MMP16: variants seen among roughly 807,000 people sequenced by gnomAD.
MMP16 encodes matrix metalloproteinase-16.
In MMP16, 12 loss-of-function variants were observed where a neutral mutation model predicts 67.8. That is an observed-to-expected ratio of 0.18 (90% confidence interval 0.11 to 0.29). MMP16 has a LOEUF of 0.29. Ranked by LOEUF, MMP16 falls within the 10% of genes least tolerant of loss-of-function variation. The pLI is 1.00. For synonymous variants in MMP16, 249 were observed against 255.9 expected (o/e 0.97, Z 0.26); for missense variants, 475 against 765.7 (o/e 0.62, Z 4.48).
chr8:88,156,149 A>G (rs1586179535), intron 4 of MMP16, among the ~76,000 whole-genome samples: 1 of 152,270 alleles, frequency 6.6e-6, no homozygotes, highest in East Asian at 1.9e-4. Flanking sequence ...GGCTGATGAT[A>G]ACCCATAGAG....
chr8:88,319,276 T>C (rs1177338655), intron 1 of MMP16, among the ~76,000 whole-genome samples: 1 of 152,154 alleles, frequency 6.6e-6, no homozygotes, highest in Non-Finnish European at 1.5e-5. Context: ...CTCAATTTTA[T>C]ATAAACCATC....
intron 8 of MMP16, among the ~76,000 whole-genome samples, chr8:88,050,459 G>T (rs2118210708): frequency 6.6e-6 from 1 of 152,300 alleles, no homozygotes; most frequent in Admixed American, 6.5e-5. Context: ...TGCTTTTCAT[G>T]TAGAAATAAC....
rs185260250 is a variant in MMP16, at chr8:88,287,231, C to T, written c.132+39844G>A. 3.1e-3 allele frequency among the ~76,000 whole-genome samples: 478 copies of T among 152,318 alleles called. 13 individuals are homozygous for T. In the East Asian group the frequency reaches 0.045, roughly 14 times the overall value. On this transcript the variant is annotated intron_variant, in intron 1 of 9. Coordinates refer to ENST00000286614, the MANE Select transcript of MMP16 (RefSeq NM_005941.5). ...CTTACAACCAGTTAAGAGTCTCTCT[C>T]TGAGCGCCAGCCACCCTGACCTTTT...
intron 1 of MMP16, among the ~76,000 whole-genome samples, chr8:88,200,866 C>T (rs1037686997): frequency 6.6e-6 from 1 of 151,848 alleles, no homozygotes; most frequent in African/African-American, 2.4e-5. Context: ...GAATTTCTCA[C>T]CACTAAGAGC....
intron 3 of MMP16, among the ~76,000 whole-genome samples, chr8:88,168,505 A>G (rs1040936687): frequency 2.0e-5 from 3 of 152,160 alleles, no homozygotes; most frequent in Non-Finnish European, 4.4e-5. Flanking sequence ...TTTCTTATTA[A>G]TTCATTCTAG....
In MMP16 at chr8:88,231,733, A is replaced by G. The variant is rs1809861478; in HGVS notation, c.133-34427T>C. Among the ~76,000 whole-genome samples, 3 of 152,222 alleles carry G rather than the reference A, an allele frequency of 2.0e-5. No individual in the cohort carries two copies. In the East Asian group the frequency reaches 5.8e-4, roughly 29 times the overall value. On this transcript the variant is annotated intron_variant, in intron 1 of 9. Coordinates refer to ENST00000286614, the MANE Select transcript of MMP16 (RefSeq NM_005941.5). ...GGTTCCCACTCCCCTATACCTAAAGATATCAACTTCACCCAAATGATTGTA... is the reference window on the plus strand; with the variant it reads ...GGTTCCCACTCCCCTATACCTAAAGGTATCAACTTCACCCAAATGATTGTA...
intron 2 of MMP16, among the ~76,000 whole-genome samples, chr8:88,189,935 T>A (rs1326684658): frequency 6.6e-6 from 1 of 152,170 alleles, no homozygotes; most frequent in Non-Finnish European, 1.5e-5. Flanking sequence ...AAGTCGCCAA[T>A]AAGGAACATG....
chr8:88,264,604 C>T (rs953063210), intron 1 of MMP16, among the ~76,000 whole-genome samples: 5 of 152,140 alleles, frequency 3.3e-5, no homozygotes, highest in Non-Finnish European at 5.9e-5. Context: ...AAGCAAGTAC[C>T]TCCTAAGTGT....
chr8:88,081,405 C>A (rs960147445), intron 6 of MMP16, among the ~76,000 whole-genome samples: 2 of 152,068 alleles, frequency 1.3e-5, no homozygotes, highest in African/African-American at 4.8e-5. Context: ...TTTAATAACA[C>A]CCTATGTTAG....
At chr8:88,092,250 T>C (rs1237289504) in intron 6 of MMP16, among the ~76,000 whole-genome samples, 1 of 151,906 alleles carries the variant, frequency 6.6e-6, no homozygotes, top group African/African-American at 2.4e-5. Flanking sequence ...AATTTTGTTT[T>C]TTCTTTTTAG....
chr8:88,229,196 T>C (rs992245995), intron 1 of MMP16, among the ~76,000 whole-genome samples: 1 of 152,068 alleles, frequency 6.6e-6, no homozygotes, highest in African/African-American at 2.4e-5. Flanking sequence ...GATAAAACTG[T>C]TGTTACTTTA....
chr8:88,157,566 C>T (rs771501445), intron 4 of MMP16, among the ~76,000 whole-genome samples: 1 of 151,838 alleles, frequency 6.6e-6, no homozygotes, highest in African/African-American at 2.4e-5. Flanking sequence ...TTCTTGGTGT[C>T]TCTGATAGAG....
chr8:88,085,914 C>A (rs1343000442), intron 6 of MMP16, among the ~76,000 whole-genome samples: 2 of 151,772 alleles, frequency 1.3e-5, no homozygotes, highest in African/African-American at 4.8e-5. Context: ...ATATGGACCC[C>A]CTTTTTATTA....
chr8:88,034,771 A>T lies in MMP16; in HGVS notation c.*6690T>A, dbSNP rs1808032991. 1 of 152,020 alleles carries T rather than the reference A, an allele frequency of 6.6e-6. No homozygotes were observed. Among genetic ancestry groups the T allele is most frequent in the Non-Finnish European group, 1.5e-5 (1 of 67,968 alleles). The allele number at this position is 152,020 out of a possible 1,614,324, so 9.4% of individuals were successfully genotyped here. On this transcript the variant is annotated 3_prime_UTR_variant, in exon 10 of 10. Coordinates refer to ENST00000286614, the MANE Select transcript of MMP16 (RefSeq NM_005941.5). ...GGCAAATGAAACATGCATCCTAGTG[A>T]CTTTTCAAATAGACAGCTCACACCA...
At chr8:88,212,730 A>G (rs536175168) in intron 1 of MMP16, among the ~76,000 whole-genome samples, 3 of 152,210 alleles carry the variant, frequency 2.0e-5, no homozygotes, top group East Asian at 3.9e-4. Context: ...CTCTCTGATT[A>G]TTGTAGTAGA....
chr8:88,149,299 T>C lies in MMP16; in HGVS notation c.709+18370A>G, dbSNP rs1176484362. Among the ~76,000 whole-genome samples the C allele has an allele frequency of 3.3e-5, 5 of 152,286 alleles. No individual in the cohort carries two copies. In the East Asian group the frequency reaches 7.7e-4, roughly 24 times the overall value. On this transcript the variant is annotated intron_variant, in intron 4 of 9. Transcript: ENST00000286614. ...AGGCTGGGTGAGGGGCGCCCGCCAT[T>C]GCCCAGGCTTGCTTAGGTAAACAAA...
intron 1 of MMP16, among the ~76,000 whole-genome samples, chr8:88,199,919 T>C (rs1387504883): frequency 1.3e-5 from 2 of 151,968 alleles, no homozygotes; most frequent in Admixed American, 1.3e-4. Flanking sequence ...CAAATGCACA[T>C]TATGAATAGT....
chr8:88,136,914 C>A (rs1417972087), intron 4 of MMP16, among the ~76,000 whole-genome samples: 1 of 151,754 alleles, frequency 6.6e-6, no homozygotes, highest in Non-Finnish European at 1.5e-5. Flanking sequence ...AACAGACATG[C>A]ATATATTCAG....
chr8:88,059,932 C>A (rs1256289654), intron 7 of MMP16, among the ~76,000 whole-genome samples: 1 of 146,634 alleles, frequency 6.8e-6, no homozygotes, highest in Admixed American at 6.9e-5. Flanking sequence ...TAAGAGGAGG[C>A]AGAAATTGAA....
Sources: gnomAD v4.1 joint callset for allele counts (sites outside exome capture counted in the v4.1 genomes callset) on GRCh38, gnomAD v4.1.1 for gene constraint, MANE v1.5 for transcripts, NCBI Gene and HGNC (gene_info 2026-07-23, HGNC 2026-07-21) for gene names.